Variants in EFL1 observed in about 807,000 individuals in gnomAD.
The protein encoded by EFL1 is elongation factor-like GTPase 1.
In EFL1, 76 loss-of-function variants were observed where a neutral mutation model predicts 126.7. That is an observed-to-expected ratio of 0.60 (90% CI 0.50 to 0.73). EFL1 has a LOEUF of 0.73. EFL1 is among the 30% of genes least tolerant of loss of function. EFL1 has a pLI of 0.00. For missense variants in EFL1, 1,128 were observed against 1,343.2 expected, an observed-to-expected ratio of 0.84 and a Z score of 2.50; for synonymous variants, 410 against 448.4, an observed-to-expected ratio of 0.91 and a Z score of 1.08.
chr15:82,214,817 G>A lies in EFL1; in HGVS notation c.1650C>T (p.Pro550=). 1 of 1,590,304 alleles carries A rather than the reference G, an allele frequency of 6.3e-7. No homozygotes were observed. Among genetic ancestry groups the A allele is most frequent in the Non-Finnish European group, 8.5e-7 (1 of 1,173,242 alleles). The change falls in exon 15 of 20, where the codon CCC becomes CCT. Residue 550 remains proline, a synonymous_variant. Coordinates refer to ENST00000268206, the MANE Select transcript of EFL1 (RefSeq NM_024580.6). ...CACAGTATGCCATGTGGGGGACTTGGGGGAGGCCATCTGGTGGAGCTGAGA... is the reference window on the plus strand; with the variant it reads ...CACAGTATGCCATGTGGGGGACTTGAGGGAGGCCATCTGGTGGAGCTGAGA... ...LGFSAPPDGL[P]QVPHMAYCAL...
rs1236446191 is a variant in EFL1 at position 82,175,376 on chromosome 15, C to T, written c.1751-11392G>A. Among the ~76,000 whole-genome samples, 6 of 152,240 alleles carry T rather than the reference C, an allele frequency of 3.9e-5. 1 individual carries two copies. The South Asian group carries it at 6.2e-4, about 16-fold the overall frequency. ...CAAGCCAGTTATCTTTTCCAGGGCA[C>T]GCATTACTTCCTGGTGAGAAGCAGC... is the stretch of plus-strand genomic sequence containing the variant. On this transcript the variant is annotated intron_variant, in intron 15 of 19. Transcript: ENST00000268206.
Position 82,230,958 on chromosome 15 carries a change from CG to C in EFL1, c.744del (p.Phe248LeufsTer17). On this transcript the variant is annotated frameshift_variant, in exon 8 of 20. Coordinates refer to ENST00000268206, the MANE Select transcript of EFL1 (RefSeq NM_024580.6). LOFTEE classifies it high-confidence loss of function. Reference sequence around the variant, plus strand: ...CCAATTTTTTGACTGTAGATTCTGGCGAAGTGCTCAATTCTGAAAGAAGACC... The same window carrying C: ...CCAATTTTTTGACTGTAGATTCTGGCAAGTGCTCAATTCTGAAAGAAGACC... ...IDGWGFGIEH[F>X]ARIYSQKIGI... 6.2e-7 allele frequency: 1 copy of C among 1,611,254 alleles called. No homozygotes were observed. Among genetic ancestry groups the C allele is most frequent in the South Asian group, 1.1e-5 (1 of 90,392 alleles).
chr15:82,212,747 T>C (rs1029533413), intron 15 of EFL1, among the ~76,000 whole-genome samples: 6 of 152,192 alleles, frequency 3.9e-5, no homozygotes, highest in African/African-American at 1.4e-4. Flanking sequence ...CCAATATCTT[T>C]TGCCTTAACT....
At chr15:82,133,190 C>T (rs2073678273) in intron 19 of EFL1, among the ~76,000 whole-genome samples, 1 of 152,212 alleles carries the variant, frequency 6.6e-6, no homozygotes, top group African/African-American at 2.4e-5. Flanking sequence ...CATGAATATA[C>T]AGAGCAGAAG....
intron 7 of EFL1, 95 bp downstream of exon 7, chr15:82,238,212 G>C (rs2074893993): frequency 2.3e-6 from 3 of 1,332,912 alleles, no homozygotes; most frequent in Admixed American, 4.1e-5. Context: ...AACTATAGGT[G>C]AATCTATAAT....
chr15:82,213,263 C>T (rs1298410804), intron 15 of EFL1, among the ~76,000 whole-genome samples: 1 of 152,132 alleles, frequency 6.6e-6, no homozygotes, highest in Non-Finnish European at 1.5e-5. Flanking sequence ...TCATCCTTAC[C>T]CCATGTTGTG....
intron 15 of EFL1, among the ~76,000 whole-genome samples, chr15:82,196,347 G>C (rs2074408001): frequency 6.6e-6 from 1 of 152,156 alleles, no homozygotes; most frequent in South Asian, 2.1e-4. Flanking sequence ...GTGAGTCTCA[G>C]ATTATTTATA....
At chr15:82,245,815 G>A (rs2074967406) in intron 4 of EFL1, among the ~76,000 whole-genome samples, 1 of 151,840 alleles carries the variant, frequency 6.6e-6, no homozygotes, top group Non-Finnish European at 1.5e-5. Context: ...CATGCCTGCA[G>A]TATTAGCTAC....
chr15:82,193,889 C>T (rs988561210), intron 15 of EFL1, among the ~76,000 whole-genome samples: 1 of 152,174 alleles, frequency 6.6e-6, no homozygotes, highest in African/African-American at 2.4e-5. Context: ...GCTCTCCCAC[C>T]CAACTCGCCG....
At chr15:82,258,636 T>C (rs2075087024) in intron 3 of EFL1, among the ~76,000 whole-genome samples, 1 of 152,238 alleles carries the variant, frequency 6.6e-6, no homozygotes, top group East Asian at 1.9e-4. Flanking sequence ...AGGTTAACTT[T>C]TAAGGTCTTC....
chr15:82,211,041 G>A (rs2074578672), intron 15 of EFL1, among the ~76,000 whole-genome samples: 1 of 151,716 alleles, frequency 6.6e-6, no homozygotes, highest in African/African-American at 2.4e-5. Context: ...TCAGCCCAAT[G>A]CAGCCATCTT....
At chr15:82,189,091 C>CA (rs1431780654) in intron 15 of EFL1, among the ~76,000 whole-genome samples, 10 of 151,976 alleles carry the variant, frequency 6.6e-5, no homozygotes, top group Non-Finnish European at 1.2e-4. Flanking sequence ...ACACCTAGGC[C>CA]AATATGGTGT....
intron 15 of EFL1, among the ~76,000 whole-genome samples, chr15:82,167,725 T>C (rs1394070608): frequency 6.6e-6 from 1 of 152,214 alleles, no homozygotes; most frequent in Non-Finnish European, 1.5e-5. Flanking sequence ...GCTGTCTGGA[T>C]AGGGAACAGA....
chr15:82,209,001 G>A (rs1416892434), intron 15 of EFL1, among the ~76,000 whole-genome samples: 2 of 151,826 alleles, frequency 1.3e-5, no homozygotes, highest in South Asian at 4.2e-4. Flanking sequence ...GGAAAAAAGA[G>A]AATAAAATCA....
chr15:82,221,218 C>A (rs1366770839), intron 12 of EFL1, among the ~76,000 whole-genome samples: 1 of 152,154 alleles, frequency 6.6e-6, no homozygotes. Context: ...TTGTCCATCA[C>A]CTTTGATATT....
intron 15 of EFL1, among the ~76,000 whole-genome samples, chr15:82,194,537 T>C (rs2074390092): frequency 6.6e-6 from 1 of 152,158 alleles, no homozygotes; most frequent in Non-Finnish European, 1.5e-5. Flanking sequence ...CAGAAAAGTA[T>C]AGTCAAAAAT....
In EFL1 at chr15:82,206,489, T is replaced by C. The variant is rs1402085805; in HGVS notation, c.1750+8228A>G. Among the ~76,000 whole-genome samples the C allele has an allele frequency of 2.0e-5, 3 of 152,164 alleles. 1 individual carries two copies. The highest frequency in any genetic ancestry group is 4.1e-4 in the South Asian group (2 of 4,832). On this transcript the variant is annotated intron_variant, in intron 15 of 19. Transcript: ENST00000268206. Reference sequence around the variant, plus strand: ...TTATTATGGGATCAAGGAAAGTTACTTAATCTTTGTGTCAATTTTCCCATC... The same window carrying C: ...TTATTATGGGATCAAGGAAAGTTACCTAATCTTTGTGTCAATTTTCCCATC...
chr15:82,133,576 G>T (rs2073683742), intron 19 of EFL1, among the ~76,000 whole-genome samples: 1 of 152,172 alleles, frequency 6.6e-6, no homozygotes, highest in Non-Finnish European at 1.5e-5. Flanking sequence ...TGTTAACATT[G>T]GGGAAGGAGG....
In EFL1 at chr15:82,241,720, A is replaced by G. The variant is rs1451032399; in HGVS notation, c.245-317T>C. Among the ~76,000 whole-genome samples the G allele has an allele frequency of 1.1e-4, 16 of 152,340 alleles. No individual in the cohort carries two copies. The South Asian group carries it at 1.7e-3, about 16-fold the overall frequency. The stretch of plus-strand genomic sequence containing the variant: ...ATTATTGAATCCTTACAATATCCCT[A>G]TGAGATACATATTACTATTCTCCTT... On this transcript the variant is annotated intron_variant, in intron 4 of 19. Coordinates refer to ENST00000268206, the MANE Select transcript of EFL1 (RefSeq NM_024580.6).
Sources: allele counts gnomAD v4.1 joint callset (sites outside exome capture counted in the v4.1 genomes callset), GRCh38; gene constraint gnomAD v4.1.1; transcripts MANE v1.5; gene names NCBI Gene and HGNC (gene_info 2026-07-23, HGNC 2026-07-21).